The following USH2A variants were observed in gnomAD, a reference collection of about 807,000 sequenced individuals.
USH2A encodes the protein usherin, also known as Usher syndrome 2A (autosomal recessive, mild).
Under a neutral mutation model 538.9 loss-of-function variants are expected in USH2A, and 443 were observed. The ratio of observed to expected loss-of-function variants is 0.82; its 90% CI spans 0.76 to 0.89. The LOEUF (loss-of-function observed/expected upper bound fraction) is 0.89, where lower values mean the gene tolerates loss of function less well. Among genes scored for constraint, USH2A ranks in the 40% least tolerant of loss-of-function variants. The pLI is 0.00. For missense variants in USH2A, 6,633 were observed against 6,324.8 expected (o/e 1.05, Z -1.65); for synonymous variants, 2,413 against 2,273.5 (o/e 1.06, Z -1.75).
At chr1:216,400,102 G>A (rs1266780277) in intron 3 of USH2A, among the ~76,000 whole-genome samples, 1 of 151,714 alleles carries the variant, frequency 6.6e-6, no homozygotes, top group Non-Finnish European at 1.5e-5. Flanking sequence ...ATCATATGTT[G>A]GAATTATCAG....
At chr1:216,030,346 A>G (rs1176628215) in intron 32 of USH2A, among the ~76,000 whole-genome samples, 1 of 137,988 alleles carries the variant, frequency 7.2e-6, no homozygotes, top group African/African-American at 2.6e-5. Context: ...ATATATAGAT[A>G]TACATCACAG....
intron 21 of USH2A, among the ~76,000 whole-genome samples, chr1:216,143,229 G>T (rs1181779128): frequency 6.6e-6 from 1 of 152,064 alleles, no homozygotes; most frequent in Admixed American, 6.5e-5. Context: ...TTTTATCCTT[G>T]ACAATTCTGC....
intron 47 of USH2A, among the ~76,000 whole-genome samples, chr1:215,827,002 A>C (rs1407283758): frequency 6.6e-6 from 1 of 152,188 alleles, no homozygotes; most frequent in East Asian, 1.9e-4. Context: ...AGTGTTGGAA[A>C]AGATGATGAG....
At chr1:216,381,186 G>A (rs888702332) in intron 3 of USH2A, among the ~76,000 whole-genome samples, 5 of 151,920 alleles carry the variant, frequency 3.3e-5, no homozygotes, top group African/African-American at 1.2e-4. Context: ...AGAGGGAGAG[G>A]GAAAAGTGTA....
At chr1:216,202,839 T>A (rs1558314995) in intron 16 of USH2A, among the ~76,000 whole-genome samples, 1 of 152,190 alleles carries the variant, frequency 6.6e-6, no homozygotes, top group Non-Finnish European at 1.5e-5. Context: ...TGGTTCTCCA[T>A]CACATCATTG....
chr1:216,308,372 T>C (rs2037356744), intron 9 of USH2A, among the ~76,000 whole-genome samples: 1 of 152,026 alleles, frequency 6.6e-6, no homozygotes, highest in Non-Finnish European at 1.5e-5. Context: ...TTTTGCCATC[T>C]TTGACAACTT....
Position 216,231,999 on chromosome 1 carries a change from C to T in USH2A, c.2947G>A (p.Asp983Asn). Reference sequence around the variant, plus strand: ...CCAAAGTAATGGTCTTTGCATTGGTCACAACGTTGCCCAGCAATGGAAGCA... The same window carrying T: ...CCAAAGTAATGGTCTTTGCATTGGTTACAACGTTGCCCAGCAATGGAAGCA... ...QDASIAGQRC[D>N]QCKDHYFGFD... The change falls in exon 14 of 72, where the codon GAC becomes AAC. Residue 983 changes from aspartate (D) to asparagine (N), a missense_variant. By Grantham distance (23) the Asp-to-Asn change is conservative (BLOSUM62 1). Transcript: ENST00000307340. 6.2e-7 allele frequency: 1 copy of T among 1,614,020 alleles called. No individual in the cohort carries two copies. The highest frequency in any genetic ancestry group is 8.5e-7 in the Non-Finnish European group (1 of 1,179,928).
At chr1:215,954,750 T>C (rs1392353578) in intron 37 of USH2A, among the ~76,000 whole-genome samples, 1 of 152,148 alleles carries the variant, frequency 6.6e-6, no homozygotes, top group Non-Finnish European at 1.5e-5. Context: ...TTTGAAAATT[T>C]TTTGTAATTA....
In USH2A at chr1:216,141,304, C is replaced by G. The variant is rs1014015560; in HGVS notation, c.4627+33948G>C. 7.9e-5 allele frequency among the ~76,000 whole-genome samples: 12 copies of G among 152,226 alleles called. 1 individual carries two copies. The highest frequency in any genetic ancestry group is 2.9e-4 in the African/African-American group (12 of 41,454). On this transcript the variant is annotated intron_variant, in intron 21 of 71. Transcript: ENST00000307340. ...GGCCATTAAGCTCTTTTGTATCCTC[C>G]CAGTGAGACTCCCTGCTGCAGTCTG... is the stretch of plus-strand genomic sequence containing the variant.
At chr1:216,283,969 C>G (rs1327857920) in intron 11 of USH2A, among the ~76,000 whole-genome samples, 1 of 151,964 alleles carries the variant, frequency 6.6e-6, no homozygotes, top group African/African-American at 2.4e-5. Flanking sequence ...TCAAGTTTTT[C>G]TTCAAAATGT....
intron 47 of USH2A, among the ~76,000 whole-genome samples, chr1:215,826,506 A>C (rs1663160021): frequency 6.6e-6 from 1 of 152,208 alleles, no homozygotes; most frequent in Non-Finnish European, 1.5e-5. Context: ...GAAAAGAGCA[A>C]GCTACAATTA....
chr1:216,256,595 A>G (rs1054129331), intron 11 of USH2A, among the ~76,000 whole-genome samples: 4 of 151,992 alleles, frequency 2.6e-5, no homozygotes, highest in Non-Finnish European at 5.9e-5. Context: ...CCATGAGGCC[A>G]CAAGACCAAT....
chr1:215,638,993 C>CAAAA (rs146300382), intron 69 of USH2A, among the ~76,000 whole-genome samples, 162 bp downstream of exon 69: 1 of 132,250 alleles, frequency 7.6e-6, no homozygotes, highest in African/African-American at 2.9e-5. Context: ...AAAACAACAA[C>CAAAA]AAAAAAAAAA....
intron 13 of USH2A, among the ~76,000 whole-genome samples, chr1:216,237,817 CT>C (rs58363126): frequency 2.0e-5 from 3 of 152,030 alleles, no homozygotes; most frequent in African/African-American, 7.2e-5. Flanking sequence ...GTGTCTTTTA[CT>C]TTTTTTTGTT....
At chr1:216,249,016 A>C (rs1335100142) in intron 12 of USH2A, among the ~76,000 whole-genome samples, 2 of 151,554 alleles carry the variant, frequency 1.3e-5, no homozygotes, top group Non-Finnish European at 2.9e-5. Context: ...AGTTTTGTTA[A>C]CTCTAACAGT....
intron 47 of USH2A, among the ~76,000 whole-genome samples, chr1:215,827,692 A>T (rs1274967041): frequency 6.6e-6 from 1 of 152,082 alleles, no homozygotes; most frequent in Non-Finnish European, 1.5e-5. Context: ...TCAAGGTTCT[A>T]CCCATATCCT....
chr1:215,911,789 T>G (rs1344508539), intron 38 of USH2A, among the ~76,000 whole-genome samples: 1 of 152,080 alleles, frequency 6.6e-6, no homozygotes, highest in Non-Finnish European at 1.5e-5. Flanking sequence ...CTCCAAATGG[T>G]TCTCCATAGT....
intron 4 of USH2A, among the ~76,000 whole-genome samples, chr1:216,349,327 G>C (rs1571727780): frequency 6.6e-6 from 1 of 151,984 alleles, no homozygotes; most frequent in Non-Finnish European, 1.5e-5. Context: ...TTTTAAAAAG[G>C]AGGGGGTAAT....
At chr1:215,700,247 T>G (rs949750503) in intron 61 of USH2A, among the ~76,000 whole-genome samples, 3 of 152,158 alleles carry the variant, frequency 2.0e-5, no homozygotes, top group African/African-American at 7.2e-5. Flanking sequence ...ATGTTCATCA[T>G]GGATATTGGT....
Sources: gnomAD v4.1 joint callset for allele counts (sites outside exome capture counted in the v4.1 genomes callset) on GRCh38, gnomAD v4.1.1 for gene constraint, MANE v1.5 for transcripts, NCBI Gene and HGNC (gene_info 2026-07-23, HGNC 2026-07-21) for gene names.